Variants in RFX8 observed in about 807,000 individuals in gnomAD.
The protein encoded by RFX8 is DNA-binding protein RFX8.
Under a neutral mutation model 54.6 loss-of-function variants are expected in RFX8, and 46 were observed. That is an observed-to-expected ratio of 0.84 (90% CI 0.67 to 1.08). The LOEUF (loss-of-function observed/expected upper bound fraction) is 1.08, where lower values mean the gene tolerates loss of function less well. RFX8 is among the 50% of genes least tolerant of loss of function. The pLI is 0.00. For missense variants in RFX8, 536 were observed against 562.3 expected (o/e 0.95, Z 0.47); for synonymous variants, 192 against 209.5 (o/e 0.92, Z 0.72).
chr2:101,410,691 CA>C lies in RFX8; in HGVS notation c.740del (p.Leu247CysfsTer42). The C allele has an allele frequency of 1.3e-6, 2 of 1,540,224 alleles. No homozygotes were observed. The highest frequency in any genetic ancestry group is 1.2e-5 in the South Asian group (1 of 83,540). On this transcript the variant is annotated frameshift_variant, in exon 9 of 12. Coordinates refer to ENST00000428343, the MANE Select transcript of RFX8 (RefSeq NM_001145664.2). LOFTEE classifies it high-confidence loss of function. ...EMKCLRNLIS[L>X]LGTSTDLRVF... ...CCCTGAGATCTGTTGATGTTCCCAG[CA>C]AAGAAATTAAGTTTCTTAAACCTAC...
chr2:101,450,877 A>G (rs557278659), intron 2 of RFX8, among the ~76,000 whole-genome samples: 42 of 152,274 alleles, frequency 2.8e-4, no homozygotes, highest in Middle Eastern at 3.4e-3. Context: ...ACTTTCACAC[A>G]TATCAGCCTT....
chr2:101,447,679 C>T (rs911839850), intron 2 of RFX8, among the ~76,000 whole-genome samples: 4 of 152,138 alleles, frequency 2.6e-5, no homozygotes, highest in Admixed American at 2.0e-4. Flanking sequence ...ACTATAGTCA[C>T]CCTACTGGGC....
chr2:101,421,041 G>C (rs916646143), intron 4 of RFX8, among the ~76,000 whole-genome samples: 1 of 152,176 alleles, frequency 6.6e-6, no homozygotes. Context: ...GCATCAATAG[G>C]ACAGGGGCCA....
chr2:101,467,575 G>C (rs759254620), intron 1 of RFX8, among the ~76,000 whole-genome samples: 31 of 152,252 alleles, frequency 2.0e-4, no homozygotes, highest in Non-Finnish European at 4.0e-4. Context: ...GAGCAGCACA[G>C]AGCGAATGCA....
rs191788583 is a variant in RFX8, at chr2:101,450,466, G to T, written c.72+16311C>A. On this transcript the variant is annotated intron_variant, in intron 2 of 11. Coordinates refer to ENST00000428343, the MANE Select transcript of RFX8 (RefSeq NM_001145664.2). The stretch of plus-strand genomic sequence containing the variant: ...TTGAACTACTGAACTCAACTCAAGC[G>T]GTTCTTGTGCCCCAGCCTCCCAAAG... 43 of 555,886 alleles carry T rather than the reference G, an allele frequency of 7.7e-5. No homozygotes were observed. In the East Asian group the frequency reaches 9.9e-4, roughly 13 times the overall value. The allele number at this position is 555,886 out of a possible 1,614,324, so 34.4% of individuals were successfully genotyped here. A position where few individuals can be genotyped will look rare whatever the true frequency, so the allele number is the denominator to read the frequency against.
chr2:101,421,424 C>T, intron 4 of RFX8: 10 of 1,074,936 alleles, frequency 9.3e-6, no homozygotes, highest in Non-Finnish European at 1.1e-5. Flanking sequence ...TTATTACCAA[C>T]ACTTTATTCA....
Position 101,429,031 on chromosome 2 carries a change from C to T in RFX8, c.73-6559G>A, listed in dbSNP as rs547991621. ...CAATGGCATCTCCACTGTGAAGGAA[C>T]AGAAAACAGAGAAGTAATTTTAGCA... On this transcript the variant is annotated intron_variant, in intron 2 of 11. Transcript: ENST00000428343. 16 of 1,509,982 alleles carry T rather than the reference C, an allele frequency of 1.1e-5. No homozygotes were observed. In the South Asian group the frequency reaches 1.9e-4, roughly 18 times the overall value. 93.5% of individuals were successfully genotyped at this position (1,509,982 alleles called of 1,614,324 possible).
At chr2:101,399,200 G>C (rs1024064321) in intron 11 of RFX8, among the ~76,000 whole-genome samples, 1 of 152,210 alleles carries the variant, frequency 6.6e-6, no homozygotes, top group African/African-American at 2.4e-5. Flanking sequence ...CAGGGAATGA[G>C]GCTGCCACAG....
intron 10 of RFX8, among the ~76,000 whole-genome samples, chr2:101,403,571 A>C (rs540585117): frequency 6.6e-6 from 1 of 152,300 alleles, no homozygotes; most frequent in African/African-American, 2.4e-5. Context: ...CAGATCACGA[A>C]GTCAGGAGAT....
chr2:101,420,995 G>A (rs1686829937), intron 4 of RFX8, among the ~76,000 whole-genome samples: 1 of 152,206 alleles, frequency 6.6e-6, no homozygotes. Flanking sequence ...AAGGAATAAT[G>A]TCAGACATCC....
intron 11 of RFX8, among the ~76,000 whole-genome samples, chr2:101,398,088 C>T (rs1685225292): frequency 6.6e-6 from 1 of 152,126 alleles, no homozygotes; most frequent in Non-Finnish European, 1.5e-5. Flanking sequence ...GAACTCCTGA[C>T]CTCAGGTGAT....
intron 2 of RFX8, among the ~76,000 whole-genome samples, chr2:101,442,729 G>A (rs981203219): frequency 7.2e-5 from 11 of 152,052 alleles, no homozygotes; most frequent in African/African-American, 2.7e-4. Flanking sequence ...CAGCCTGCTT[G>A]GTTTTTCTGG....
chr2:101,418,988 C>A, intron 4 of RFX8, 24 bp from the exon 5 acceptor site: 1 of 1,344,562 alleles, frequency 7.4e-7, no homozygotes, highest in Non-Finnish European at 1.0e-6. Context: ...CAGAGCATAT[C>A]GCCAAAACTC....
At chr2:101,430,935 T>C (rs1008067649) in intron 2 of RFX8, among the ~76,000 whole-genome samples, 2 of 152,222 alleles carry the variant, frequency 1.3e-5, no homozygotes, top group African/African-American at 4.8e-5. Flanking sequence ...AATATGGTCA[T>C]CACTCTTTAG....
intron 4 of RFX8, among the ~76,000 whole-genome samples, chr2:101,420,945 T>G (rs1686828471): frequency 6.6e-6 from 1 of 152,064 alleles, no homozygotes; most frequent in South Asian, 2.1e-4. Context: ...GGTCACAGGG[T>G]AGGAATTAAA....
intron 2 of RFX8, among the ~76,000 whole-genome samples, chr2:101,462,309 A>C (rs1283105951): frequency 1.3e-5 from 2 of 152,142 alleles, no homozygotes; most frequent in Non-Finnish European, 1.5e-5. Context: ...GCACACGTGT[A>C]GTCCCAGCTA....
rs1237409817 is a variant in RFX8, at chr2:101,451,779, C to CT, written c.72+14997dup. 2.6e-5 allele frequency among the ~76,000 whole-genome samples: 4 copies of CT among 151,274 alleles called. No individual in the cohort carries two copies. The East Asian group carries it at 5.9e-4, about 22-fold the overall frequency. On this transcript the variant is annotated intron_variant, in intron 2 of 11. Transcript: ENST00000428343. ...TATGCTAATTTTGTGAACACAGAAA[C>CT]TTTAGTTCAAAGGGTAATTAAAACA...
intron 2 of RFX8, among the ~76,000 whole-genome samples, chr2:101,454,061 C>A (rs775476120): frequency 6.6e-6 from 1 of 151,504 alleles, no homozygotes; most frequent in Non-Finnish European, 1.5e-5. Context: ...CCCCCACCCC[C>A]GACAGGCCCC....
intron 2 of RFX8, among the ~76,000 whole-genome samples, chr2:101,464,769 T>G (rs185304602): frequency 6.6e-6 from 1 of 152,112 alleles, no homozygotes. Flanking sequence ...CTCTTTAACT[T>G]TTTTTTCTAA....
Sources: allele counts gnomAD v4.1 joint callset (sites outside exome capture counted in the v4.1 genomes callset), GRCh38; gene constraint gnomAD v4.1.1; transcripts MANE v1.5; gene names NCBI Gene and HGNC (gene_info 2026-07-23, HGNC 2026-07-21).